Variants in LMBRD1 observed in about 807,000 individuals in gnomAD.
LMBRD1 encodes lysosomal cobalamin transport escort protein LMBD1.
Under a neutral mutation model 74.8 loss-of-function variants are expected in LMBRD1, and 64 were observed. The ratio of observed to expected loss-of-function variants is 0.86; its 90% confidence interval spans 0.70 to 1.05. The LOEUF (loss-of-function observed/expected upper bound fraction) is 1.05, where lower values mean the gene tolerates loss of function less well. Ranked by LOEUF, LMBRD1 falls within the 50% of genes least tolerant of loss-of-function variation. The pLI is 0.00. For missense variants in LMBRD1, 652 were observed against 645.9 expected (o/e 1.01, Z -0.10); for synonymous variants, 204 against 216.3 (o/e 0.94, Z 0.50).
intron 3 of LMBRD1, among the ~76,000 whole-genome samples, chr6:69,761,638 T>C (rs1468650153): frequency 6.6e-6 from 1 of 152,214 alleles, no homozygotes; most frequent in Non-Finnish European, 1.5e-5. Context: ...CCCAACAACT[T>C]TGATACACAA....
At position 69,675,614 on chromosome 6, in the gene LMBRD1, A is replaced by G. The variant is rs1436953765; in HGVS notation, c.*544T>C. On this transcript the variant is annotated 3_prime_UTR_variant, in exon 16 of 16. Coordinates refer to ENST00000649934, the MANE Select transcript of LMBRD1 (RefSeq NM_018368.4). ...ACAATATAACACATCTTGGAACGCC[A>G]TGCTCTTAGAGCACTAACTAGAGTT... is the stretch of plus-strand genomic sequence containing the variant. Among the ~76,000 whole-genome samples the G allele has an allele frequency of 6.6e-6, 1 of 152,212 alleles. No homozygotes were observed. The highest frequency in any genetic ancestry group is 1.5e-5 in the Non-Finnish European group (1 of 68,028).
intron 8 of LMBRD1, among the ~76,000 whole-genome samples, chr6:69,717,463 ATTTTC>A (rs1431678424): frequency 6.6e-6 from 1 of 152,048 alleles, no homozygotes; most frequent in Admixed American, 6.6e-5. Flanking sequence ...TCCTTTCCAT[ATTTTC>A]TTATCTTTAT....
chr6:69,766,684 T>C (rs527725689), intron 3 of LMBRD1, among the ~76,000 whole-genome samples: 1 of 151,778 alleles, frequency 6.6e-6, no homozygotes, highest in Non-Finnish European at 1.5e-5. Context: ...TGTTCCTTCA[T>C]CCTCTATTTC....
At chr6:69,748,279 A>G (rs1015794698) in intron 5 of LMBRD1, among the ~76,000 whole-genome samples, 1 of 152,212 alleles carries the variant, frequency 6.6e-6, no homozygotes, top group African/African-American at 2.4e-5. Flanking sequence ...TCAGGTTTGC[A>G]TACAAGGGAC....
At chr6:69,764,388 G>A (rs1398507035) in intron 3 of LMBRD1, among the ~76,000 whole-genome samples, 2 of 151,960 alleles carry the variant, frequency 1.3e-5, no homozygotes, top group Non-Finnish European at 2.9e-5. Flanking sequence ...AAGGCAGCTA[G>A]CTATCTATAA....
chr6:69,698,939 C>T (rs543034629), intron 13 of LMBRD1, 104 bp downstream of exon 13: 6 of 753,064 alleles, frequency 8.0e-6, no homozygotes, highest in Non-Finnish European at 1.3e-5. Flanking sequence ...TAAATATAAT[C>T]TGATGAGCTA....
chr6:69,715,487 A>G (rs992502528), intron 8 of LMBRD1, among the ~76,000 whole-genome samples: 3 of 152,162 alleles, frequency 2.0e-5, no homozygotes, highest in African/African-American at 4.8e-5. Flanking sequence ...AGCAGTGAAC[A>G]TCTACCTCAT....
At chr6:69,783,559 G>A (rs370118716) in intron 2 of LMBRD1, among the ~76,000 whole-genome samples, 19 of 152,202 alleles carry the variant, frequency 1.2e-4, no homozygotes, top group Middle Eastern at 6.8e-3. Context: ...ATTTTTTGTA[G>A]AGACTGGGTT....
intron 8 of LMBRD1, 150 bp downstream of exon 8, chr6:69,718,806 T>G: frequency 1.3e-6 from 1 of 755,580 alleles, no homozygotes; most frequent in Non-Finnish European, 2.2e-6. Flanking sequence ...AAGATTTAAG[T>G]GAGGACACAG....
intron 8 of LMBRD1, 130 bp downstream of exon 8, chr6:69,718,826 A>C: frequency 1.1e-6 from 1 of 879,210 alleles, no homozygotes; most frequent in Non-Finnish European, 1.8e-6. Flanking sequence ...GTCAAACTGT[A>C]CCAGATATGC....
intron 14 of LMBRD1, among the ~76,000 whole-genome samples, chr6:69,687,007 A>G (rs933809916): frequency 6.6e-6 from 1 of 152,218 alleles, no homozygotes; most frequent in African/African-American, 2.4e-5. Context: ...GCCTTGGTCT[A>G]TATACAACAC....
chr6:69,698,813 G>A (rs1766061784), intron 13 of LMBRD1, among the ~76,000 whole-genome samples: 1 of 151,410 alleles, frequency 6.6e-6, no homozygotes, highest in East Asian at 1.9e-4. Context: ...TAGCACCATG[G>A]GACCCATTTA....
At chr6:69,764,668 T>C (rs1382518452) in intron 3 of LMBRD1, among the ~76,000 whole-genome samples, 1 of 152,198 alleles carries the variant, frequency 6.6e-6, no homozygotes. Context: ...TATTTTTTAA[T>C]TGAATGGTTT....
At chr6:69,792,647 T>A (rs750493490) in intron 1 of LMBRD1, among the ~76,000 whole-genome samples, 1 of 152,220 alleles carries the variant, frequency 6.6e-6, no homozygotes, top group Admixed American at 6.5e-5. Context: ...GTATTAATAT[T>A]TGAATGAGCT....
chr6:69,760,826 GA>G (rs1765358198), intron 3 of LMBRD1, among the ~76,000 whole-genome samples: 1 of 152,112 alleles, frequency 6.6e-6, no homozygotes, highest in Non-Finnish European at 1.5e-5. Context: ...CTGCCCTATA[GA>G]AAAGTCCACG....
Position 69,796,826 on chromosome 6 carries a change from C to T in LMBRD1, c.56G>A (p.Gly19Asp), listed in dbSNP as rs1766244990. Reference sequence around the variant, plus strand: ...CGCCTCCCCTACCAGTAGTAAGAGGCCGAATATGCACCAGCCGATCACCAG... The same window carrying T: ...CGCCTCCCCTACCAGTAGTAAGAGGTCGAATATGCACCAGCCGATCACCAG... ...AELVIGWCIFGLLLLAILAFC... is the reference protein window; with the variant it reads ...AELVIGWCIFDLLLLAILAFC... The change falls in exon 1 of 16, where the codon GGC (glycine) becomes GAC (aspartate). Residue 19 changes from glycine to aspartate, a missense_variant. By Grantham distance (94) the Gly-to-Asp change is moderately conservative (BLOSUM62 -1). Transcript: ENST00000649934. 1 of 1,613,794 alleles carries T rather than the reference C, an allele frequency of 6.2e-7. No individual in the cohort carries two copies. The highest frequency in any genetic ancestry group is 1.1e-5 in the South Asian group (1 of 91,034).
intron 9 of LMBRD1, among the ~76,000 whole-genome samples, chr6:69,703,186 T>C (rs1014351588): frequency 1.3e-5 from 2 of 152,136 alleles, no homozygotes; most frequent in East Asian, 1.9e-4. Flanking sequence ...GACTCCTTTA[T>C]AGTAACAACT....
At chr6:69,787,186 A>G (rs1453633624) in intron 2 of LMBRD1, among the ~76,000 whole-genome samples, 1 of 152,228 alleles carries the variant, frequency 6.6e-6, no homozygotes, top group Admixed American at 6.5e-5. Flanking sequence ...ACCTGAATTC[A>G]GTAATAACTT....
intron 13 of LMBRD1, among the ~76,000 whole-genome samples, chr6:69,698,683 C>G (rs374069923): frequency 6.6e-6 from 1 of 151,796 alleles, no homozygotes; most frequent in Non-Finnish European, 1.5e-5. Flanking sequence ...TGCCAATGAA[C>G]GGACATGCTG....
Sources: allele counts gnomAD v4.1 joint callset (sites outside exome capture counted in the v4.1 genomes callset), GRCh38; gene constraint gnomAD v4.1.1; transcripts MANE v1.5; gene names NCBI Gene and HGNC (gene_info 2026-07-23, HGNC 2026-07-21).